The following MARCHF7 variants were observed in gnomAD, a reference collection of about 807,000 sequenced individuals.
MARCHF7 encodes the protein E3 ubiquitin-protein ligase MARCHF7.
In MARCHF7, 20 loss-of-function variants were observed where a neutral mutation model predicts 76.5. The observed-to-expected ratio is 0.26, with a 90% CI of 0.18 to 0.38. The LOEUF is 0.38. MARCHF7 is among the 10% of genes least tolerant of loss of function. The pLI, the probability that MARCHF7 is intolerant of heterozygous loss-of-function variation, is 1.00. For missense variants in MARCHF7, 797 were observed against 812.9 expected (o/e 0.98, Z 0.24); for synonymous variants, 295 against 293.0 (o/e 1.01, Z -0.07).
intron 7 of MARCHF7, among the ~76,000 whole-genome samples, chr2:159,751,211 A>G (rs1254353327): frequency 6.6e-6 from 1 of 152,220 alleles, no homozygotes; most frequent in African/African-American, 2.4e-5. Flanking sequence ...GGCAGAGAGC[A>G]AAGCGTTACT....
chr2:159,730,615 G>C (rs1453952740), intron 4 of MARCHF7, among the ~76,000 whole-genome samples: 1 of 152,058 alleles, frequency 6.6e-6, no homozygotes. Flanking sequence ...TACATTTTCT[G>C]CTTCTAGACA....
intron 9 of MARCHF7, among the ~76,000 whole-genome samples, chr2:159,760,103 G>A (rs1706850341): frequency 6.6e-6 from 1 of 152,130 alleles, no homozygotes; most frequent in Non-Finnish European, 1.5e-5. Flanking sequence ...CCATTAAACA[G>A]TTGCTCCCCA....
At position 159,769,381 on chromosome 2, in the gene MARCHF7, G is replaced by C. The variant is rs535380873; in HGVS notation, c.*2039G>C. 6.6e-6 allele frequency: 1 copy of C among 152,178 alleles called. No individual in the cohort carries two copies. The highest frequency in any genetic ancestry group is 2.4e-5 in the African/African-American group (1 of 41,416). 9.4% of individuals were successfully genotyped at this position (152,178 alleles called of 1,614,324 possible). A position where few individuals can be genotyped will look rare whatever the true frequency, so the allele number is the denominator to read the frequency against. On this transcript the variant is annotated 3_prime_UTR_variant, in exon 12 of 12. Transcript: ENST00000409175. Reference sequence around the variant, plus strand: ...ATGTAGGCCAAGTGTGGTGGCTCACGCATGTAATCCCAGCACTTTGGGAGA... The same window carrying C: ...ATGTAGGCCAAGTGTGGTGGCTCACCCATGTAATCCCAGCACTTTGGGAGA...
At chr2:159,713,594 T>C (rs1700575628) in intron 1 of MARCHF7, among the ~76,000 whole-genome samples, 1 of 152,238 alleles carries the variant, frequency 6.6e-6, no homozygotes, top group African/African-American at 2.4e-5. Flanking sequence ...GAATTTTCGA[T>C]TTAAAAATCC....
chr2:159,743,918 A>G (rs977347976), intron 5 of MARCHF7, among the ~76,000 whole-genome samples: 1 of 151,818 alleles, frequency 6.6e-6, no homozygotes, highest in Non-Finnish European at 1.5e-5. Flanking sequence ...TTAAACAAAA[A>G]ACAAATACAG....
chr2:159,762,612 C>T (rs1414130492), intron 9 of MARCHF7, among the ~76,000 whole-genome samples: 2 of 152,142 alleles, frequency 1.3e-5, no homozygotes, highest in Non-Finnish European at 2.9e-5. Flanking sequence ...AAAACCAAAG[C>T]ATTCATTCCA....
In MARCHF7 at chr2:159,767,336, T is replaced by C; in HGVS notation, c.2109T>C (p.Ile703=). 6.2e-7 allele frequency: 1 copy of C among 1,609,186 alleles called. No homozygotes were observed. The highest frequency in any genetic ancestry group is 1.3e-5 in the African/African-American group (1 of 74,924). ...EDGDHNRTFD[I]A is the part of the protein sequence containing the mutation. ...GAGACCATAACAGGACATTTGATAT[T>C]GCCTAACTTCATATAAGACAGATGG... is the stretch of plus-strand genomic sequence containing the variant. Residue 703 remains isoleucine (I), a synonymous_variant, in exon 12 of 12, where the codon ATT becomes ATC. Transcript: ENST00000409175.
At chr2:159,715,434 T>C (rs1324213745) in intron 2 of MARCHF7, among the ~76,000 whole-genome samples, 1 of 152,018 alleles carries the variant, frequency 6.6e-6, no homozygotes, top group Non-Finnish European at 1.5e-5. Flanking sequence ...GCAGCCGCAG[T>C]CTCCCAGACT....
At chr2:159,747,333 G>A (rs771538701) in intron 6 of MARCHF7, among the ~76,000 whole-genome samples, 2 of 151,960 alleles carry the variant, frequency 1.3e-5, no homozygotes, top group Non-Finnish European at 2.9e-5. Flanking sequence ...AAAATTACAA[G>A]GGTTTAAAAC....
At chr2:159,750,344 C>T (rs950457723) in intron 7 of MARCHF7, among the ~76,000 whole-genome samples, 12 of 152,146 alleles carry the variant, frequency 7.9e-5, no homozygotes, top group Admixed American at 7.9e-4. Context: ...GGCTAACATG[C>T]TGAAACCCTG....
At chr2:159,716,453 C>A (rs1052493824) in intron 3 of MARCHF7, among the ~76,000 whole-genome samples, 9 of 152,072 alleles carry the variant, frequency 5.9e-5, no homozygotes, top group African/African-American at 2.2e-4. Flanking sequence ...TCAAGACCAT[C>A]CTGGGCAACA....
Position 159,748,202 on chromosome 2 carries a change from G to A in MARCHF7, c.912G>A (p.Leu304=). 6.2e-7 allele frequency: 1 copy of A among 1,613,876 alleles called. No individual in the cohort carries two copies. The highest frequency in any genetic ancestry group is 8.5e-7 in the Non-Finnish European group (1 of 1,179,986). The part of the protein sequence containing the change: ...FFSRRSSQDS[L]NTRSLNSENS... Reference sequence around the variant, plus strand: ...CACGAAGATCTAGTCAGGATTCCTTGAATACAAGATCATTGAATTCTGAAA... The same window carrying A: ...CACGAAGATCTAGTCAGGATTCCTTAAATACAAGATCATTGAATTCTGAAA... Residue 304 remains leucine (L), a synonymous_variant, in exon 7 of 12, where the codon TTG becomes TTA. Coordinates refer to ENST00000409175, the MANE Select transcript of MARCHF7 (RefSeq NM_001282805.2).
Position 159,748,677 on chromosome 2 carries a change from A to G in MARCHF7, c.1387A>G (p.Thr463Ala), listed in dbSNP as rs770427615. The change falls in exon 7 of 12, where the codon ACA becomes GCA. Residue 463 changes from threonine to alanine, a missense_variant. Transcript: ENST00000409175. ...AAGCAGTGCCACAACAGGTGGCTCT[A>G]CATCAGATTCGGCTCAAGGTGGAAG... ...ASSSATTGGSTSDSAQGGRNT... is the reference protein window; with the variant it reads ...ASSSATTGGSASDSAQGGRNT... The G allele has an allele frequency of 1.2e-6, 2 of 1,614,210 alleles. No individual in the cohort carries two copies. Among genetic ancestry groups the G allele is most frequent in the Non-Finnish European group, 1.7e-6 (2 of 1,180,024 alleles).
At position 159,743,987 on chromosome 2, in the gene MARCHF7, TTTTTTTTTTTTTTTTTTG is replaced by T. The variant is rs1489239210; in HGVS notation, c.346+735_346+752del. Among the ~76,000 whole-genome samples the T allele has an allele frequency of 1.6e-4, 6 of 38,170 alleles. No individual in the cohort carries two copies. The South Asian group carries it at 2.7e-3, about 17-fold the overall frequency. 25.0% of individuals were successfully genotyped at this position (38,170 alleles called of 152,430 possible). A position where few individuals can be genotyped will look rare whatever the true frequency, so the allele number is the denominator to read the frequency against. ...TTAGTAGGAGTTCTTTTTTTTTTTTTTTTTTTTTTTTTTTTTTGGAGACGGAGTCTCGCTCTGTCGCCC... is the reference window on the plus strand; with the variant it reads ...TTAGTAGGAGTTCTTTTTTTTTTTTTGAGACGGAGTCTCGCTCTGTCGCCC... On this transcript the variant is annotated intron_variant, in intron 5 of 11. Coordinates refer to ENST00000409175, the MANE Select transcript of MARCHF7 (RefSeq NM_001282805.2).
chr2:159,724,135 C>T (rs1701922132), intron 3 of MARCHF7, among the ~76,000 whole-genome samples: 1 of 152,190 alleles, frequency 6.6e-6, no homozygotes, highest in South Asian at 2.1e-4. Context: ...GTTCTGTTCT[C>T]CACTTCAAAT....
intron 4 of MARCHF7, among the ~76,000 whole-genome samples, chr2:159,740,523 C>T (rs543280660): frequency 5.3e-5 from 8 of 152,292 alleles, no homozygotes; most frequent in Admixed American, 1.3e-4. Context: ...TCTCTGAAAT[C>T]CAGAGGTTTT....
At chr2:159,730,547 T>A (rs1249154789) in intron 4 of MARCHF7, among the ~76,000 whole-genome samples, 1 of 152,214 alleles carries the variant, frequency 6.6e-6, no homozygotes, top group Non-Finnish European at 1.5e-5. Flanking sequence ...GGTCTCTATT[T>A]TATTTTAAAC....
intron 8 of MARCHF7, among the ~76,000 whole-genome samples, chr2:159,755,254 G>A (rs1029807645): frequency 6.6e-6 from 1 of 152,058 alleles, no homozygotes; most frequent in African/African-American, 2.4e-5. Context: ...CTATTTAGGG[G>A]TAGTGCAGCA....
Position 159,720,197 on chromosome 2 carries a change from T to G in MARCHF7, c.-15+4431T>G, listed in dbSNP as rs368387835. On this transcript the variant is annotated intron_variant, in intron 3 of 11. Coordinates refer to ENST00000409175, the MANE Select transcript of MARCHF7 (RefSeq NM_001282805.2). ...CGCAACACCATGCCCCGCTAATTTTTGTATTCTTAGTAGAGATGGGGTTTC... is the reference window on the plus strand; with the variant it reads ...CGCAACACCATGCCCCGCTAATTTTGGTATTCTTAGTAGAGATGGGGTTTC... Among the ~76,000 whole-genome samples the G allele has an allele frequency of 1.5e-3, 223 of 152,328 alleles. 2 individuals carry two copies. Among genetic ancestry groups the G allele is most frequent in the Middle Eastern group, 6.8e-3 (2 of 294 alleles).
Sources: allele counts gnomAD v4.1 joint callset (sites outside exome capture counted in the v4.1 genomes callset), GRCh38; gene constraint gnomAD v4.1.1; transcripts MANE v1.5; gene names NCBI Gene and HGNC (gene_info 2026-07-23, HGNC 2026-07-21).